DYM: variants seen among roughly 807,000 people sequenced by gnomAD.
The protein encoded by DYM is dymeclin.
A neutral mutation model predicts 93.1 loss-of-function variants in DYM; 78 were observed. That is an observed-to-expected ratio of 0.84 (90% CI 0.70 to 1.01). DYM has a LOEUF of 1.01. DYM is among the 50% of genes least tolerant of loss of function. The pLI is 0.00. For missense variants in DYM, 789 were observed against 845.0 expected, an observed-to-expected ratio of 0.93 and a Z score of 0.82; for synonymous variants, 321 against 319.7, an observed-to-expected ratio of 1.00 and a Z score of -0.04.
intron 1 of DYM, among the ~76,000 whole-genome samples, chr18:49,457,164 G>A (rs1367613612): frequency 6.6e-6 from 1 of 152,160 alleles, no homozygotes; most frequent in Non-Finnish European, 1.5e-5. Flanking sequence ...AAATCTCACA[G>A]TAGTTCATTC....
chr18:49,441,041 A>G (rs368699856), intron 1 of DYM, among the ~76,000 whole-genome samples: 1 of 7,598 alleles, frequency 1.3e-4, no homozygotes, highest in Non-Finnish European at 2.6e-4. Context: ...ATAATATATA[A>G]ATATATAATA....
intron 15 of DYM, among the ~76,000 whole-genome samples, chr18:49,127,435 T>C (rs886749843): frequency 1.1e-4 from 17 of 152,236 alleles, no homozygotes; most frequent in African/African-American, 4.1e-4. Context: ...AGGGAATTTA[T>C]ACAGTTAAAT....
intron 1 of DYM, among the ~76,000 whole-genome samples, chr18:49,430,938 A>G (rs1168308629): frequency 6.6e-6 from 1 of 152,090 alleles, no homozygotes; most frequent in Non-Finnish European, 1.5e-5. Context: ...CAATACAAAC[A>G]CAAAAATCCG....
intron 13 of DYM, among the ~76,000 whole-genome samples, chr18:49,225,631 A>T (rs1002344418): frequency 2.0e-5 from 3 of 152,264 alleles, no homozygotes; most frequent in African/African-American, 7.2e-5. Context: ...GAAGAAATTC[A>T]GAATAAGAAA....
At chr18:49,363,768 A>C (rs538874110) in intron 5 of DYM, among the ~76,000 whole-genome samples, 2 of 152,306 alleles carry the variant, frequency 1.3e-5, no homozygotes, top group East Asian at 3.9e-4. Flanking sequence ...TTTACAGACA[A>C]TGAGTCAAAG....
chr18:49,373,683 A>T (rs1316201929), intron 5 of DYM, among the ~76,000 whole-genome samples: 2 of 152,212 alleles, frequency 1.3e-5, no homozygotes, highest in African/African-American at 2.4e-5. Flanking sequence ...CTCCTATTCA[A>T]GATGGAGTTG....
chr18:49,381,737 C>A (rs1321316418), intron 3 of DYM, among the ~76,000 whole-genome samples: 2 of 152,152 alleles, frequency 1.3e-5, no homozygotes, highest in Admixed American at 6.5e-5. Flanking sequence ...TAGCAAGGTG[C>A]AACATTTGTT....
intron 11 of DYM, 64 bp from the exon 12 acceptor site, chr18:49,258,557 T>C: frequency 9.7e-7 from 1 of 1,035,990 alleles, no homozygotes; most frequent in Non-Finnish European, 1.5e-6. Context: ...AATTACTCCA[T>C]GTCCACAATT....
At chr18:49,304,311 G>A (rs1308267474) in intron 8 of DYM, among the ~76,000 whole-genome samples, 1 of 152,116 alleles carries the variant, frequency 6.6e-6, no homozygotes, top group South Asian at 2.1e-4. Flanking sequence ...GAGGCCAACA[G>A]CCTTAACCCA....
At chr18:49,060,792 GGAGA>G (rs796709756) in intron 17 of DYM, among the ~76,000 whole-genome samples, 3 of 150,036 alleles carry the variant, frequency 2.0e-5, no homozygotes, top group Non-Finnish European at 4.5e-5. Context: ...GGAGAAGGAG[GGAGA>G]GAGAGAGAGA....
intron 10 of DYM, among the ~76,000 whole-genome samples, chr18:49,275,213 T>C (rs1391129760): frequency 6.6e-6 from 1 of 152,142 alleles, no homozygotes; most frequent in African/African-American, 2.4e-5. Flanking sequence ...ACCAGTACCA[T>C]TTGTTGAAAA....
chr18:49,219,581 A>C (rs974663265), intron 13 of DYM, among the ~76,000 whole-genome samples: 1 of 151,966 alleles, frequency 6.6e-6, no homozygotes, highest in African/African-American at 2.4e-5. Context: ...CTTCATCCCT[A>C]GGATGCAAGG....
intron 5 of DYM, among the ~76,000 whole-genome samples, chr18:49,365,676 A>G (rs995795659): frequency 2.6e-5 from 4 of 152,232 alleles, no homozygotes; most frequent in Non-Finnish European, 5.9e-5. Context: ...ATTCCCTAAG[A>G]AACATTTCAG....
chr18:49,365,116 A>C (rs772944002), intron 5 of DYM, among the ~76,000 whole-genome samples: 4 of 152,172 alleles, frequency 2.6e-5, no homozygotes, highest in Non-Finnish European at 5.9e-5. Flanking sequence ...CTCAGAAAAA[A>C]TCCAGCAGTT....
intron 2 of DYM, among the ~76,000 whole-genome samples, chr18:49,392,700 A>G (rs2069420599): frequency 6.8e-6 from 1 of 147,294 alleles, no homozygotes; most frequent in African/African-American, 2.5e-5. Context: ...AAAAAAAAAA[A>G]AAAAAAAAAA....
chr18:49,097,498 G>A lies in DYM; in HGVS notation c.1929C>T (p.Ser643=), dbSNP rs1778034536. The A allele has an allele frequency of 3.7e-6, 6 of 1,613,810 alleles. No homozygotes were observed. Among genetic ancestry groups the A allele is most frequent in the South Asian group, 3.3e-5 (3 of 91,082 alleles). Residue 643 remains serine, a synonymous_variant, in exon 17 of 18, where the codon AGC becomes AGT. Coordinates refer to ENST00000675505, the MANE Select transcript of DYM (RefSeq NM_001353214.3). ...CAGCTCCAGCTTGCAGCAACCTTGA[G>A]CTAAAGAAGGAGATCACCTGTAATG... ...QNIDLVISFF[S]SRLLQAGAEL...
At chr18:49,215,245 T>C (rs1385742201) in intron 13 of DYM, among the ~76,000 whole-genome samples, 7 of 152,194 alleles carry the variant, frequency 4.6e-5, no homozygotes, top group Admixed American at 6.5e-5. Flanking sequence ...CTCTGATTGA[T>C]ATTAAAATCT....
intron 16 of DYM, among the ~76,000 whole-genome samples, chr18:49,116,946 C>T (rs1446588690): frequency 6.6e-6 from 1 of 152,182 alleles, no homozygotes. Flanking sequence ...TCAGAGTTAA[C>T]AAGAAGGACA....
chr18:49,454,773 T>C (rs2082831517), intron 1 of DYM, among the ~76,000 whole-genome samples: 1 of 151,768 alleles, frequency 6.6e-6, no homozygotes, highest in Non-Finnish European at 1.5e-5. Context: ...CCAGGCATTG[T>C]GGCCGGCGCC....
Sources: gnomAD v4.1 joint callset for allele counts (sites outside exome capture counted in the v4.1 genomes callset) on GRCh38, gnomAD v4.1.1 for gene constraint, MANE v1.5 for transcripts, NCBI Gene and HGNC (gene_info 2026-07-23, HGNC 2026-07-21) for gene names.